Variants in RBFOX3 observed in about 807,000 individuals in gnomAD.
RBFOX3 encodes the protein RNA binding fox-1 homolog 3.
Under a neutral mutation model 48.7 loss-of-function variants are expected in RBFOX3, and 17 were observed. The ratio of observed to expected loss-of-function variants is 0.35; its 90% CI spans 0.24 to 0.52. The LOEUF (loss-of-function observed/expected upper bound fraction) is 0.52. RBFOX3 is among the 20% of genes least tolerant of loss of function. The probability of loss-of-function intolerance (pLI) is 0.94; values close to 1 mark genes in which losing one functional copy is unlikely to be tolerated. For synonymous variants in RBFOX3, 212 were observed against 209.5 expected (o/e 1.01, Z -0.10); for missense variants, 382 against 497.5 (o/e 0.77, Z 2.21).
chr17:79,442,308 AGAGAGGGAGTGAGGGAGGGAGAGAGAGG>A lies in RBFOX3; in HGVS notation c.-175+40118_-175+40145del, dbSNP rs2071201153. On this transcript the variant is annotated intron_variant, in intron 2 of 14. Coordinates refer to ENST00000693108, the MANE Select transcript of RBFOX3 (RefSeq NM_001350451.2). ...GAGAGAGGGAGGGAGAGAGAGGGAG[AGAGAGGGAGTGAGGGAGGGAGAGAGAGG>A]GAGGGAGGGAGGGAGGAAGAGGGGG... Among the ~76,000 whole-genome samples, 4 of 18,184 alleles carry A rather than the reference AGAGAGGGAGTGAGGGAGGGAGAGAGAGG, an allele frequency of 2.2e-4. 2 individuals are homozygous for A. The highest frequency in any genetic ancestry group is 4.2e-4 in the Non-Finnish European group (4 of 9,422). The allele number at this position is 18,184 out of a possible 152,430, so 11.9% of individuals were successfully genotyped here.
At chr17:79,112,904 C>CGGGGGGGGGGGG (rs1271126513) in intron 5 of RBFOX3, among the ~76,000 whole-genome samples, 2 of 10,366 alleles carry the variant, frequency 1.9e-4, no homozygotes, top group African/African-American at 4.6e-4. Context: ...AGCAGGCTCT[C>CGGGGGGGGGGGG]GGGGGGGGGG....
intron 1 of RBFOX3, among the ~76,000 whole-genome samples, chr17:79,585,289 C>T (rs928846038): frequency 1.3e-5 from 2 of 152,106 alleles, no homozygotes; most frequent in Non-Finnish European, 2.9e-5. Context: ...CAGATGATGG[C>T]TCACGCCTGT....
At chr17:79,612,809 G>A (rs1314723409), upstream of RBFOX3, among the ~76,000 whole-genome samples, 4 of 152,102 alleles carry the variant, frequency 2.6e-5, no homozygotes, top group East Asian at 1.9e-4. Context: ...TCCAACTCCC[G>A]GCTGGGCCCA....
the RBFOX3 span, among the ~76,000 whole-genome samples, chr17:79,659,279 C>T: frequency 6.6e-6 from 1 of 152,158 alleles, no homozygotes; most frequent in African/African-American, 2.4e-5. Flanking sequence ...ATTTGGTGAA[C>T]ACAGGCATTG....
At chr17:79,560,363 G>A (rs973985344) in intron 1 of RBFOX3, among the ~76,000 whole-genome samples, 2 of 152,142 alleles carry the variant, frequency 1.3e-5, no homozygotes, top group African/African-American at 2.4e-5. Context: ...TGCTTCATTC[G>A]CCATCCCACT....
the RBFOX3 span, among the ~76,000 whole-genome samples, chr17:79,620,861 C>T: frequency 6.6e-6 from 1 of 152,224 alleles, no homozygotes; most frequent in Non-Finnish European, 1.5e-5. Context: ...CCTTGGGACC[C>T]AGGCTGTCCA....
chr17:79,501,491 C>T (rs1176030546), intron 1 of RBFOX3, among the ~76,000 whole-genome samples: 1 of 152,164 alleles, frequency 6.6e-6, no homozygotes, highest in African/African-American at 2.4e-5. Flanking sequence ...CTTTTGTTCC[C>T]GAGTCCCACC....
At chr17:79,411,669 G>A (rs575292101) in intron 2 of RBFOX3, among the ~76,000 whole-genome samples, 1 of 152,338 alleles carries the variant, frequency 6.6e-6, no homozygotes, top group African/African-American at 2.4e-5. Flanking sequence ...TCCCTTGTAT[G>A]TCCCCAGTCT....
intron 2 of RBFOX3, among the ~76,000 whole-genome samples, chr17:79,426,304 G>C (rs1273057518): frequency 1.3e-5 from 2 of 152,202 alleles, no homozygotes; most frequent in African/African-American, 4.8e-5. Flanking sequence ...GCTGTCGCAG[G>C]TGCTGGGAGA....
At chr17:79,524,049 C>T (rs1193299968) in intron 1 of RBFOX3, among the ~76,000 whole-genome samples, 1 of 152,138 alleles carries the variant, frequency 6.6e-6, no homozygotes, top group Non-Finnish European at 1.5e-5. Context: ...ATCATTAAAG[C>T]CAGGGAGTTG....
chr17:79,314,144 A>G (rs2077219116), intron 2 of RBFOX3, among the ~76,000 whole-genome samples: 1 of 151,984 alleles, frequency 6.6e-6, no homozygotes, highest in South Asian at 2.1e-4. Context: ...TGAATGGGTC[A>G]CTCTTGTTGT....
rs546769684 is a variant in RBFOX3, at chr17:79,284,537, G to C, written c.-74+23187C>G. 2.3e-4 allele frequency among the ~76,000 whole-genome samples: 15 copies of C among 64,926 alleles called. No individual in the cohort carries two copies. In the East Asian group the frequency reaches 0.011, roughly 49 times the overall value. The allele number at this position is 64,926 out of a possible 152,430, so 42.6% of individuals were successfully genotyped here. Reference sequence around the variant, plus strand: ...GGCTGGAAGCAGGCTTGGGGGAAGAGACTCGCTTTTTTTTTTTGACATGGA... The same window carrying C: ...GGCTGGAAGCAGGCTTGGGGGAAGACACTCGCTTTTTTTTTTTGACATGGA... On this transcript the variant is annotated intron_variant, in intron 3 of 14. Transcript: ENST00000693108.
At chr17:79,094,587 G>C in intron 13 of RBFOX3, 58 bp from the exon 14 acceptor site, 1 of 897,048 alleles carries the variant, frequency 1.1e-6, no homozygotes, top group Non-Finnish European at 1.6e-6. Context: ...GGCAGGTGAG[G>C]GGCAGCAACG....
intron 3 of RBFOX3, among the ~76,000 whole-genome samples, chr17:79,289,685 A>C (rs368406601): frequency 6.6e-6 from 1 of 152,174 alleles, no homozygotes; most frequent in East Asian, 1.9e-4. Context: ...TGCTTCCTGC[A>C]CTCAAAGCTG....
chr17:79,612,210 G>A (rs1599293500), upstream of RBFOX3, among the ~76,000 whole-genome samples: 1 of 152,200 alleles, frequency 6.6e-6, no homozygotes, highest in East Asian at 1.9e-4. Flanking sequence ...AACCAGGCTG[G>A]AGAAACGAGC....
At chr17:79,256,072 G>T (rs1028233122) in intron 3 of RBFOX3, among the ~76,000 whole-genome samples, 1 of 151,808 alleles carries the variant, frequency 6.6e-6, no homozygotes, top group African/African-American at 2.4e-5. Flanking sequence ...GTGCGGACGG[G>T]AGGGGCTGAC....
rs1305036702 is a variant in RBFOX3 at position 79,243,916 on chromosome 17, G to A, written c.-73-8111C>T. ...ATGGCCTGCGGTCCCAGAGGTAGGGGGCAGGTGGGAGGCCCAGTGTGGCAT... is the reference window on the plus strand; with the variant it reads ...ATGGCCTGCGGTCCCAGAGGTAGGGAGCAGGTGGGAGGCCCAGTGTGGCAT... On this transcript the variant is annotated intron_variant, in intron 3 of 14. Coordinates refer to ENST00000693108, the MANE Select transcript of RBFOX3 (RefSeq NM_001350451.2). This position sits in a 1 kb window ranked among gnomAD's most constrained non-coding sequence, Gnocchi z 7.9. Among the ~76,000 whole-genome samples the A allele has an allele frequency of 6.6e-6, 1 of 152,108 alleles. No individual in the cohort carries two copies. The highest frequency in any genetic ancestry group is 1.9e-4 in the East Asian group (1 of 5,178).
In RBFOX3 at chr17:79,205,814, C is replaced by T. The variant is rs1231749844; in HGVS notation, c.-34+29952G>A. Among the ~76,000 whole-genome samples the T allele has an allele frequency of 2.7e-5, 4 of 147,826 alleles. No individual in the cohort carries two copies. Among genetic ancestry groups the T allele is most frequent in the African/African-American group, 9.9e-5 (4 of 40,454 alleles). ...GGAAAATGTATTTTCCAGTCCATGT[C>T]CATAAAGAGTCAAAAGCAGTTGGCT... On this transcript the variant is annotated intron_variant, in intron 4 of 14. Coordinates refer to ENST00000693108, the MANE Select transcript of RBFOX3 (RefSeq NM_001350451.2). This position sits in a 1 kb window ranked among gnomAD's most constrained non-coding sequence, Gnocchi z 4.5.
intron 1 of RBFOX3, chr17:79,516,230 C>T (rs1487410330): frequency 2.6e-5 from 4 of 152,244 alleles, no homozygotes; most frequent in South Asian, 2.1e-4. Flanking sequence ...AAAATACTCC[C>T]ATCCCCACGG....
Sources: allele counts gnomAD v4.1 joint callset (sites outside exome capture counted in the v4.1 genomes callset), GRCh38; gene constraint gnomAD v4.1.1; non-coding constraint Gnocchi (gnomAD v3.1); transcripts MANE v1.5; gene names NCBI Gene and HGNC (gene_info 2026-07-23, HGNC 2026-07-21).